Variants in SF3A3 observed in about 807,000 individuals in gnomAD.
SF3A3 encodes SAP 61.
Under a neutral mutation model 85.8 loss-of-function variants are expected in SF3A3, and 9 were observed. The observed-to-expected ratio is 0.10, with a 90% CI of 0.06 to 0.18. The LOEUF (loss-of-function observed/expected upper bound fraction) is 0.18. Among genes scored for constraint, SF3A3 ranks in the 10% least tolerant of loss-of-function variants. The pLI is 1.00. For missense variants in SF3A3, 306 were observed against 593.3 expected (o/e 0.52, Z 5.03); for synonymous variants, 195 against 204.4 (o/e 0.95, Z 0.39).
In SF3A3 at chr1:37,977,788, G is replaced by T. The variant is rs556062978; in HGVS notation, c.936-835C>A. ...AGGGCGGTGGAGGTTGCAGCGAGCCGAGATTGCGCCACTGCACTTGAGCCT... is the reference window on the plus strand; with the variant it reads ...AGGGCGGTGGAGGTTGCAGCGAGCCTAGATTGCGCCACTGCACTTGAGCCT... On this transcript the variant is annotated intron_variant, in intron 11 of 16. Coordinates refer to ENST00000373019, the MANE Select transcript of SF3A3 (RefSeq NM_006802.4). 1.5e-3 allele frequency among the ~76,000 whole-genome samples: 234 copies of T among 152,154 alleles called. 2 individuals are homozygous for T. The highest frequency in any genetic ancestry group is 0.015 in the South Asian group (74 of 4,816).
At chr1:37,975,401 A>G (rs1290173599) in intron 12 of SF3A3, among the ~76,000 whole-genome samples, 2 of 152,150 alleles carry the variant, frequency 1.3e-5, no homozygotes, top group African/African-American at 4.8e-5. Flanking sequence ...CTGTAGTCCC[A>G]GCTACCAGGG....
At chr1:37,974,062 C>T (rs1317498586) in intron 12 of SF3A3, among the ~76,000 whole-genome samples, 2 of 151,880 alleles carry the variant, frequency 1.3e-5, no homozygotes, top group African/African-American at 4.8e-5. Flanking sequence ...TGGGGAACAT[C>T]ACACATCGGG....
intron 8 of SF3A3, among the ~76,000 whole-genome samples, chr1:37,980,348 C>G: frequency 6.6e-6 from 1 of 151,646 alleles, no homozygotes; most frequent in South Asian, 2.1e-4. Context: ...TGCTTGAACC[C>G]GGGAAGCGGA....
At chr1:37,974,115 A>G (rs61776714) in intron 12 of SF3A3, among the ~76,000 whole-genome samples, 13,702 of 152,104 alleles carry the variant, frequency 0.09, 787 homozygotes, top group Middle Eastern at 0.24. Flanking sequence ...TAGCATTAGG[A>G]GATATACCTA....
intron 12 of SF3A3, among the ~76,000 whole-genome samples, chr1:37,971,976 A>T (rs1260016625): frequency 2.0e-5 from 3 of 152,146 alleles, no homozygotes; most frequent in Non-Finnish European, 4.4e-5. Context: ...TCACCACTCC[A>T]ATTCAACATA....
chr1:37,968,487 C>T (rs1436147163), intron 14 of SF3A3, among the ~76,000 whole-genome samples: 3 of 152,170 alleles, frequency 2.0e-5, no homozygotes, highest in African/African-American at 7.2e-5. Context: ...CTCCAAACAC[C>T]TGCATGAATA....
At chr1:37,981,670 A>G in intron 7 of SF3A3, 59 bp downstream of exon 7, 2 of 1,100,350 alleles carry the variant, frequency 1.8e-6, no homozygotes, top group South Asian at 2.6e-5. Flanking sequence ...TCACCCTCAA[A>G]AACTTCACAT....
intron 7 of SF3A3, among the ~76,000 whole-genome samples, chr1:37,981,357 CAT>C (rs1453651018): frequency 2.0e-5 from 3 of 152,140 alleles, no homozygotes; most frequent in Non-Finnish European, 4.4e-5. Context: ...TTAACAAAAA[CAT>C]AAATTTTTCA....
intron 10 of SF3A3, 61 bp downstream of exon 10, chr1:37,978,927 C>T: frequency 1.3e-6 from 2 of 1,560,190 alleles, no homozygotes; most frequent in East Asian, 2.2e-5. Flanking sequence ...ATCAGAGCTA[C>T]TTAGAAGACT....
At position 37,987,771 on chromosome 1, in the gene SF3A3, G is replaced by A. The variant is rs1294288274; in HGVS notation, c.197+13C>T. On this transcript the variant is annotated intron_variant, in intron 3 of 16. Coordinates refer to ENST00000373019, the MANE Select transcript of SF3A3 (RefSeq NM_006802.4). ...AAGCACTAACTCCTGGATTAGCTGT[G>A]ACTGTCACTTACCCATCCTTATCAT... 2 of 1,611,318 alleles carry A rather than the reference G, an allele frequency of 1.2e-6. No homozygotes were observed. Among genetic ancestry groups the A allele is most frequent in the Non-Finnish European group, 1.7e-6 (2 of 1,177,596 alleles).
At chr1:37,978,871 C>A (rs376600339) in intron 10 of SF3A3, 44 bp from the exon 11 acceptor site, 5 of 1,566,832 alleles carry the variant, frequency 3.2e-6, no homozygotes, top group Non-Finnish European at 4.4e-6. Context: ...TACTTTACCA[C>A]ACAGGCTGGC....
chr1:37,980,845 T>C, intron 7 of SF3A3, 121 bp from the exon 8 acceptor site: 9 of 405,164 alleles, frequency 2.2e-5, no homozygotes, highest in Non-Finnish European at 3.3e-5. Flanking sequence ...AATACTCTTT[T>C]TTTTTTTTTT....
At position 37,960,087 on chromosome 1, in the gene SF3A3, A is replaced by G. The variant is rs1275316606; in HGVS notation, c.1428+33T>C. The G allele has an allele frequency of 1.9e-6, 3 of 1,592,360 alleles. No homozygotes were observed. The East Asian group carries it at 6.7e-5, about 36-fold the overall frequency. On this transcript the variant is annotated intron_variant, in intron 16 of 16. Transcript: ENST00000373019. ...GTGAGGGAGCTCTCTATCACTTGAC[A>G]CTATCCCTAACACCATCCACATTAG...
At chr1:37,983,735 G>A (rs1455951926) in intron 6 of SF3A3, among the ~76,000 whole-genome samples, 1 of 151,822 alleles carries the variant, frequency 6.6e-6, no homozygotes, top group Non-Finnish European at 1.5e-5. Flanking sequence ...AGGAGTTTGT[G>A]ACCAGCCTGG....
At chr1:37,987,894 G>T in intron 2 of SF3A3, 58 bp from the exon 3 acceptor site, 1 of 1,414,086 alleles carries the variant, frequency 7.1e-7, no homozygotes, top group African/African-American at 1.4e-5. Flanking sequence ...GTAGAGCTAA[G>T]CAAACAACAA....
At chr1:37,977,731 C>T (rs892729171) in intron 11 of SF3A3, among the ~76,000 whole-genome samples, 6 of 151,906 alleles carry the variant, frequency 3.9e-5, no homozygotes, top group East Asian at 1.9e-4. Context: ...CTCAGCTACT[C>T]GGGAGAGTGA....
intron 12 of SF3A3, among the ~76,000 whole-genome samples, chr1:37,970,882 T>C (rs898398787): frequency 6.6e-6 from 1 of 152,150 alleles, no homozygotes; most frequent in Admixed American, 6.6e-5. Context: ...TTTATAGCAC[T>C]AAATGTCCAC....
At chr1:37,962,434 T>C (rs1177920913) in intron 15 of SF3A3, among the ~76,000 whole-genome samples, 2 of 147,002 alleles carry the variant, frequency 1.4e-5, no homozygotes, top group African/African-American at 5.0e-5. Flanking sequence ...AGAAACCCCA[T>C]CTCTAATAAA....
At position 37,981,260 on chromosome 1, in the gene SF3A3, CTT is replaced by C. The variant is rs374949268; in HGVS notation, c.551+467_551+468del. Among the ~76,000 whole-genome samples the C allele has an allele frequency of 7.2e-5, 11 of 152,136 alleles. No individual in the cohort carries two copies. In the East Asian group the frequency reaches 1.2e-3, roughly 16 times the overall value. ...ATAAAATGATGCTAAATACTAAGGT[CTT>C]AATTACTTTGCACATAAAAGATTTC... On this transcript the variant is annotated intron_variant, in intron 7 of 16. Transcript: ENST00000373019.
Sources: allele counts gnomAD v4.1 joint callset (sites outside exome capture counted in the v4.1 genomes callset), GRCh38; gene constraint gnomAD v4.1.1; transcripts MANE v1.5; gene names NCBI Gene and HGNC (gene_info 2026-07-23, HGNC 2026-07-21).